Variants in NRG2 observed in about 807,000 individuals in gnomAD.
NRG2 encodes the protein pro-neuregulin-2, membrane-bound isoform.
NRG2 carries 27 observed loss-of-function variants against 73.9 expected under a neutral mutation model. The ratio of observed to expected loss-of-function variants is 0.37; its 90% CI spans 0.27 to 0.50. NRG2 has a LOEUF of 0.50. Ranked by LOEUF, NRG2 falls within the 20% of genes least tolerant of loss-of-function variation. The pLI is 0.96. For synonymous variants in NRG2, 532 were observed against 541.0 expected, an observed-to-expected ratio of 0.98 and a Z score of 0.23; for missense variants, 1,126 against 1,210.1, an observed-to-expected ratio of 0.93 and a Z score of 1.03.
At chr5:139,930,900 G>T (rs1237213080) in intron 1 of NRG2, among the ~76,000 whole-genome samples, 3 of 152,132 alleles carry the variant, frequency 2.0e-5, no homozygotes, top group Non-Finnish European at 2.9e-5. Context: ...GATTTATCTG[G>T]GTCTGTTTCA....
chr5:140,025,148 C>T (rs1184636285), intron 1 of NRG2, among the ~76,000 whole-genome samples: 1 of 152,182 alleles, frequency 6.6e-6, no homozygotes. Context: ...TCTTCCTCAA[C>T]TAAACACACA....
intron 1 of NRG2, among the ~76,000 whole-genome samples, chr5:139,965,238 G>C (rs1373481798): frequency 1.3e-5 from 2 of 152,236 alleles, no homozygotes; most frequent in African/African-American, 4.8e-5. Flanking sequence ...CTACGTGGGG[G>C]AGATGGGTGG....
At chr5:139,911,273 C>G (rs1382596692) in intron 1 of NRG2, among the ~76,000 whole-genome samples, 2 of 152,082 alleles carry the variant, frequency 1.3e-5, no homozygotes, top group African/African-American at 4.8e-5. Flanking sequence ...TGGCCTGCCT[C>G]CCCATCTAGA....
At chr5:139,899,413 A>C (rs1324539987) in intron 1 of NRG2, among the ~76,000 whole-genome samples, 1 of 152,232 alleles carries the variant, frequency 6.6e-6, no homozygotes, top group Non-Finnish European at 1.5e-5. Flanking sequence ...CAATAATTTA[A>C]ATGTCCATCT....
rs1457730912 is a variant in NRG2 at position 139,868,087 on chromosome 5, T to C, written c.1113-2462A>G. On this transcript the variant is annotated intron_variant, in intron 4 of 9. Transcript: ENST00000361474. The surrounding 1 kb of genome is among the most constrained non-coding windows in gnomAD (Gnocchi z 4.2). ...ACCTTCCTTCCTTGAGAAAATGTGC[T>C]CCCCGCTGGCTGAACAAAACAAAAG... is the stretch of plus-strand genomic sequence containing the variant. 3.3e-5 allele frequency among the ~76,000 whole-genome samples: 5 copies of C among 151,910 alleles called. No homozygotes were observed. The highest frequency in any genetic ancestry group is 7.4e-5 in the Non-Finnish European group (5 of 67,962).
intron 1 of NRG2, among the ~76,000 whole-genome samples, chr5:139,888,442 T>C (rs752196805): frequency 7.2e-5 from 11 of 152,312 alleles, no homozygotes; most frequent in Middle Eastern, 3.4e-3. Context: ...TGTCTGATTT[T>C]GTGGTCTTAT....
chr5:139,851,509 T>G lies in NRG2; in HGVS notation c.1772+95A>C. 1.7e-6 allele frequency: 2 copies of G among 1,169,680 alleles called. No homozygotes were observed. The highest frequency in any genetic ancestry group is 2.5e-6 in the Non-Finnish European group (2 of 808,282). 72.5% of individuals were successfully genotyped at this position (1,169,680 alleles called of 1,614,324 possible). ...ATATGAAAAATGGAGATGAGGCTCT[T>G]TGGAGTGTTTCTGAGGGGCCCTAAG... On this transcript the variant is annotated intron_variant, in intron 9 of 9. Coordinates refer to ENST00000361474, the MANE Select transcript of NRG2 (RefSeq NM_004883.3). The surrounding 1 kb of genome is among the most constrained non-coding windows in gnomAD (Gnocchi z 4.2).
chr5:139,999,191 C>G (rs932834900), intron 1 of NRG2, among the ~76,000 whole-genome samples: 1 of 152,092 alleles, frequency 6.6e-6, no homozygotes, highest in Non-Finnish European at 1.5e-5. Flanking sequence ...CAGTAGGAAC[C>G]TTAATAATAC....
intron 2 of NRG2, among the ~76,000 whole-genome samples, chr5:139,882,841 T>G (rs1367265685): frequency 1.3e-5 from 2 of 152,042 alleles, no homozygotes; most frequent in African/African-American, 4.8e-5. Flanking sequence ...ATTCCCCACA[T>G]GCAGGCATGT....
At chr5:139,959,333 G>A (rs1049660438) in intron 1 of NRG2, among the ~76,000 whole-genome samples, 3 of 152,116 alleles carry the variant, frequency 2.0e-5, no homozygotes, top group African/African-American at 7.2e-5. Context: ...CCGAGTAGCT[G>A]GGACTACAGA....
Position 139,861,775 on chromosome 5 carries a change from C to T in NRG2, c.1189+3774G>A, listed in dbSNP as rs201683157. ...TGACAATTCTCAAAGAACCCTGGCG[C>T]ACCTCTCACTGAGTAGTTAATGCTG... On this transcript the variant is annotated intron_variant, in intron 5 of 9. Coordinates refer to ENST00000361474, the MANE Select transcript of NRG2 (RefSeq NM_004883.3). 2.8e-4 allele frequency: 144 copies of T among 515,152 alleles called. 1 individual carries two copies. The highest frequency in any genetic ancestry group is 3.9e-4 in the Non-Finnish European group (101 of 258,350). The allele number at this position is 515,152 out of a possible 1,614,324, so 31.9% of individuals were successfully genotyped here. A position where few individuals can be genotyped will look rare whatever the true frequency, so the allele number is the denominator to read the frequency against.
At chr5:140,002,338 A>C (rs1208596781) in intron 1 of NRG2, among the ~76,000 whole-genome samples, 1 of 152,112 alleles carries the variant, frequency 6.6e-6, no homozygotes, top group Non-Finnish European at 1.5e-5. Flanking sequence ...TAATGATAAG[A>C]GCTGAGGTGA....
Position 140,042,940 on chromosome 5 carries a change from C to A in NRG2, c.130G>T (p.Gly44Cys). The A allele has an allele frequency of 6.6e-7, 1 of 1,522,618 alleles. No homozygotes were observed. Among genetic ancestry groups the A allele is most frequent in the Non-Finnish European group, 8.9e-7 (1 of 1,127,664 alleles). 94.3% of individuals were successfully genotyped at this position (1,522,618 alleles called of 1,614,324 possible). The change falls in exon 1 of 10, where the codon GGC becomes TGC. Residue 44 changes from glycine to cysteine, a missense_variant. Transcript: ENST00000361474. ...SSSSSSSSES[G>C]SSSRSSSNNS... ...TTGCTGCTGCTCCTGCTGCTGCTGC[C>A]GCTCTCGCTGCTGCTGCTGCTGCTG...
At chr5:139,884,836 G>T (rs1311496928) in intron 2 of NRG2, among the ~76,000 whole-genome samples, 4 of 152,220 alleles carry the variant, frequency 2.6e-5, no homozygotes, top group African/African-American at 9.6e-5. Context: ...GTCCAGAAAA[G>T]GTGGGGAGTG....
intron 1 of NRG2, among the ~76,000 whole-genome samples, chr5:140,028,976 T>A (rs1284478985): frequency 6.6e-6 from 1 of 152,172 alleles, no homozygotes; most frequent in Non-Finnish European, 1.5e-5. Flanking sequence ...CACTCCCAGA[T>A]GAAATTCCAG....
chr5:140,033,023 T>C (rs2126695498), intron 1 of NRG2, among the ~76,000 whole-genome samples: 1 of 152,338 alleles, frequency 6.6e-6, no homozygotes. Context: ...AGTTTCATAC[T>C]TTCATCAGGT....
chr5:139,987,096 G>A (rs1757220722), intron 1 of NRG2, among the ~76,000 whole-genome samples: 1 of 151,962 alleles, frequency 6.6e-6, no homozygotes, highest in Non-Finnish European at 1.5e-5. Flanking sequence ...TATGGGCTAG[G>A]CACGGTGGCT....
chr5:140,039,237 A>G (rs1390809813), intron 1 of NRG2, among the ~76,000 whole-genome samples: 1 of 152,174 alleles, frequency 6.6e-6, no homozygotes, highest in Non-Finnish European at 1.5e-5. Flanking sequence ...ATAGGGTGTA[A>G]TTATACCAAA....
At chr5:139,857,912 C>T (rs1157080908) in intron 5 of NRG2, among the ~76,000 whole-genome samples, 1 of 152,166 alleles carries the variant, frequency 6.6e-6, no homozygotes, top group South Asian at 2.1e-4. Context: ...CTTACCATTT[C>T]CATTGCTTCC....
Sources: gnomAD v4.1 joint callset for allele counts (sites outside exome capture counted in the v4.1 genomes callset) on GRCh38, gnomAD v4.1.1 for gene constraint, Gnocchi (gnomAD v3.1) non-coding constraint, MANE v1.5 for transcripts, NCBI Gene and HGNC (gene_info 2026-07-23, HGNC 2026-07-21) for gene names.